Variants in PIP5K1B observed in about 807,000 individuals in gnomAD.
PIP5K1B encodes phosphatidylinositol 4-phosphate 5-kinase type-1 beta.
A neutral mutation model predicts 67.0 loss-of-function variants in PIP5K1B; 42 were observed. That is an observed-to-expected ratio of 0.63 (90% CI 0.49 to 0.81). The LOEUF (loss-of-function observed/expected upper bound fraction) is 0.81. Among genes scored for constraint, PIP5K1B ranks in the 30% least tolerant of loss-of-function variants. The pLI is 0.00. For missense variants in PIP5K1B, 459 were observed against 646.3 expected (o/e 0.71, Z 3.14); for synonymous variants, 214 against 231.4 (o/e 0.92, Z 0.68).
intron 2 of PIP5K1B, among the ~76,000 whole-genome samples, chr9:68,764,658 G>C (rs1252545312): frequency 6.6e-6 from 1 of 151,990 alleles, no homozygotes; most frequent in Non-Finnish European, 1.5e-5. Context: ...ACCAAGCATT[G>C]TAAGCTCAGA....
intron 14 of PIP5K1B, among the ~76,000 whole-genome samples, chr9:68,957,874 C>CTT (rs61201790): frequency 6.8e-6 from 1 of 146,878 alleles, no homozygotes; most frequent in African/African-American, 2.5e-5. Flanking sequence ...GTTTTCTTTT[C>CTT]TTTTTTTTTT....
At chr9:68,994,324 G>A (rs1001023079) in intron 15 of PIP5K1B, among the ~76,000 whole-genome samples, 1 of 152,052 alleles carries the variant, frequency 6.6e-6, no homozygotes, top group Admixed American at 6.5e-5. Flanking sequence ...TTATAGGAGT[G>A]AGCCACTGCA....
chr9:68,731,586 T>A (rs747146593), intron 1 of PIP5K1B, among the ~76,000 whole-genome samples: 1 of 152,172 alleles, frequency 6.6e-6, no homozygotes, highest in East Asian at 1.9e-4. Flanking sequence ...AAATGTGTGA[T>A]CCTTGCTGTC....
At chr9:68,948,484 A>G (rs1039207790) in intron 14 of PIP5K1B, among the ~76,000 whole-genome samples, 14 of 152,180 alleles carry the variant, frequency 9.2e-5, no homozygotes, top group African/African-American at 3.4e-4. Flanking sequence ...AACAGCAACA[A>G]CAACAAAAAA....
At chr9:68,872,017 A>C (rs553435982) in intron 5 of PIP5K1B, among the ~76,000 whole-genome samples, 1 of 152,024 alleles carries the variant, frequency 6.6e-6, no homozygotes. Context: ...CTAAGTCTGG[A>C]TGCTGAGCAC....
At chr9:68,750,899 T>G (rs1437123483) in intron 2 of PIP5K1B, among the ~76,000 whole-genome samples, 1 of 152,178 alleles carries the variant, frequency 6.6e-6, no homozygotes, top group East Asian at 1.9e-4. Context: ...CAGTGTTTGT[T>G]GATGCACCTC....
At chr9:68,805,766 T>A (rs1832843021) in intron 2 of PIP5K1B, among the ~76,000 whole-genome samples, 1 of 152,182 alleles carries the variant, frequency 6.6e-6, no homozygotes, top group Admixed American at 6.5e-5. Context: ...AGCTTATTGA[T>A]AAAACATTTT....
At chr9:68,826,805 G>A (rs1417818160) in intron 4 of PIP5K1B, among the ~76,000 whole-genome samples, 1 of 152,174 alleles carries the variant, frequency 6.6e-6, no homozygotes, top group Non-Finnish European at 1.5e-5. Flanking sequence ...AGGCTGGAGT[G>A]CAGTGGCACA....
At chr9:68,873,546 A>G (rs944821541) in intron 5 of PIP5K1B, among the ~76,000 whole-genome samples, 2 of 151,806 alleles carry the variant, frequency 1.3e-5, no homozygotes, top group African/African-American at 4.8e-5. Flanking sequence ...TCTTTATATT[A>G]GGAGATTAGC....
chr9:68,773,836 G>A (rs1047254731), intron 2 of PIP5K1B, among the ~76,000 whole-genome samples: 1 of 152,132 alleles, frequency 6.6e-6, no homozygotes, highest in African/African-American at 2.4e-5. Flanking sequence ...GGCCCTCAAT[G>A]ATTATTTGCA....
chr9:69,004,445 C>T (rs1277212074), intron 15 of PIP5K1B, among the ~76,000 whole-genome samples: 1 of 151,988 alleles, frequency 6.6e-6, no homozygotes, highest in Non-Finnish European at 1.5e-5. Context: ...TGCCAAAGCA[C>T]CAGCACTGAG....
At chr9:68,753,507 T>G (rs1176363058) in intron 2 of PIP5K1B, among the ~76,000 whole-genome samples, 5 of 128,408 alleles carry the variant, frequency 3.9e-5, no homozygotes, top group Admixed American at 3.6e-4. Context: ...GCCCGGCTAA[T>G]TTTGTTTCTT....
At chr9:68,965,563 A>G (rs1378014876) in intron 14 of PIP5K1B, 1 of 152,250 alleles carries the variant, frequency 6.6e-6, no homozygotes, top group Non-Finnish European at 1.5e-5. Context: ...TTAACTGTAA[A>G]GTGATACAAG....
chr9:68,711,975 G>A (rs1365261404), intron 1 of PIP5K1B, among the ~76,000 whole-genome samples: 1 of 152,146 alleles, frequency 6.6e-6, no homozygotes, highest in Non-Finnish European at 1.5e-5. Flanking sequence ...TTCTCCATAT[G>A]TTTTGTTCAC....
intron 4 of PIP5K1B, among the ~76,000 whole-genome samples, chr9:68,854,250 C>A (rs1419635451): frequency 2.0e-5 from 3 of 151,822 alleles, no homozygotes; most frequent in Non-Finnish European, 2.9e-5. Context: ...CCTGCCTCAG[C>A]CTCCTGAGTA....
intron 14 of PIP5K1B, among the ~76,000 whole-genome samples, chr9:68,974,122 G>A (rs755051181): frequency 7.2e-5 from 11 of 151,992 alleles, no homozygotes; most frequent in East Asian, 1.9e-4. Flanking sequence ...CTCCCATCTC[G>A]GCCTCCCAAA....
chr9:68,761,775 C>T (rs1830196797), intron 2 of PIP5K1B, among the ~76,000 whole-genome samples: 1 of 152,128 alleles, frequency 6.6e-6, no homozygotes, highest in Non-Finnish European at 1.5e-5. Context: ...ACTGTGCTCA[C>T]TGCATAATCC....
intron 2 of PIP5K1B, chr9:68,788,820 C>T (rs999474057): frequency 6.6e-5 from 16 of 242,370 alleles, no homozygotes; most frequent in Non-Finnish European, 1.2e-4. Context: ...ACTACTGTCT[C>T]AGAAACTGAT....
intron 1 of PIP5K1B, among the ~76,000 whole-genome samples, chr9:68,721,994 T>C (rs1827910670): frequency 6.6e-6 from 1 of 152,182 alleles, no homozygotes; most frequent in Admixed American, 6.5e-5. Context: ...CTGAGCCCAC[T>C]GATCCCCACT....
Sources: allele counts gnomAD v4.1 joint callset (sites outside exome capture counted in the v4.1 genomes callset), GRCh38; gene constraint gnomAD v4.1.1; transcripts MANE v1.5; gene names NCBI Gene and HGNC (gene_info 2026-07-23, HGNC 2026-07-21).